The following KAZN variants were observed in gnomAD, a reference collection of about 807,000 sequenced individuals.
The protein encoded by KAZN is kazrin.
Under a neutral mutation model 87.4 loss-of-function variants are expected in KAZN, and 40 were observed. The observed-to-expected ratio is 0.46, with a 90% CI of 0.36 to 0.60. The LOEUF is 0.60. KAZN is among the 20% of genes least tolerant of loss of function. KAZN has a pLI of 0.00. For missense variants in KAZN, 898 were observed against 1,073.9 expected, an observed-to-expected ratio of 0.84 and a Z score of 2.29; for synonymous variants, 466 against 458.3, an observed-to-expected ratio of 1.02 and a Z score of -0.22.
rs1287523374 is a variant in KAZN at position 14,773,803 on chromosome 1, T to C, written c.226+174580T>C. On this transcript the variant is annotated intron_variant, in intron 1 of 14. Coordinates refer to ENST00000376030, the MANE Select transcript of KAZN (RefSeq NM_201628.3). The surrounding 1 kb of genome is among the most constrained non-coding windows in gnomAD (Gnocchi z 5.9). The stretch of plus-strand genomic sequence containing the variant: ...CAGCCTTCCTGGGAGCTGCGGCAGG[T>C]CCCAGCCCAGGCCAGGCCTGCTCTC... Among the ~76,000 whole-genome samples, 1 of 152,112 alleles carries C rather than the reference T, an allele frequency of 6.6e-6. No individual in the cohort carries two copies. Among genetic ancestry groups the C allele is most frequent in the Non-Finnish European group, 1.5e-5 (1 of 68,014 alleles).
intron 11 of KAZN, among the ~76,000 whole-genome samples, chr1:15,102,025 A>G (rs1641090717): frequency 1.3e-5 from 2 of 152,088 alleles, no homozygotes; most frequent in African/African-American, 4.8e-5. Context: ...CCTATTGGGC[A>G]CGGGCCAGGC....
chr1:14,308,586 T>A (rs1032474446), intron 2 of KAZN, among the ~76,000 whole-genome samples: 2 of 152,208 alleles, frequency 1.3e-5, no homozygotes, highest in African/African-American at 4.8e-5. Context: ...GTGTAGGTAC[T>A]GAAATTGTAC....
At chr1:14,579,442 G>A (rs1294274575) in intron 2 of KAZN, among the ~76,000 whole-genome samples, 11 of 151,916 alleles carry the variant, frequency 7.2e-5, no homozygotes, top group South Asian at 2.1e-4. Flanking sequence ...TGGCTAACAC[G>A]GTGAAACCCC....
intron 1 of KAZN, among the ~76,000 whole-genome samples, chr1:14,643,296 T>A (rs1436401479): frequency 6.6e-6 from 1 of 152,178 alleles, no homozygotes; most frequent in Non-Finnish European, 1.5e-5. Context: ...CCAATAGTTA[T>A]CCTTTCTGCT....
intron 1 of KAZN, among the ~76,000 whole-genome samples, chr1:14,800,037 G>A (rs932230567): frequency 4.6e-5 from 7 of 152,140 alleles, no homozygotes; most frequent in East Asian, 1.9e-4. Context: ...TATGAGTGTC[G>A]TGGGGACTCA....
intron 2 of KAZN, among the ~76,000 whole-genome samples, chr1:14,419,924 G>C (rs986295053): frequency 2.6e-5 from 4 of 152,156 alleles, no homozygotes; most frequent in African/African-American, 4.8e-5. Flanking sequence ...ATTGCAAAGA[G>C]CGAAAGAACA....
rs541516835 is a variant in KAZN at position 13,981,235 on chromosome 1, A to AATT, written c.91+87480_91+87481insTTA. On this transcript the variant is annotated intron_variant, in intron 1 of 16. Coordinates refer to the KAZN transcript ENST00000636203. Reference sequence around the variant, plus strand: ...TGTATGGAGGTGATCACAATTTTTAAAAAGTTAAAATTATTAATTTAAAAT... The same window carrying AATT: ...TGTATGGAGGTGATCACAATTTTTAAATTAAAGTTAAAATTATTAATTTAAAAT... 2.2e-3 allele frequency among the ~76,000 whole-genome samples: 322 copies of AATT among 146,968 alleles called. 1 individual carries two copies. The highest frequency in any genetic ancestry group is 7.7e-3 in the African/African-American group (313 of 40,490).
chr1:14,708,506 A>T (rs1362046280), intron 1 of KAZN, among the ~76,000 whole-genome samples: 1 of 152,206 alleles, frequency 6.6e-6, no homozygotes, highest in Non-Finnish European at 1.5e-5. Flanking sequence ...GTTCCCATGG[A>T]CTTTTCTTTT....
chr1:13,952,474 C>T (rs6670910), intron 1 of KAZN, among the ~76,000 whole-genome samples: 2,257 of 152,020 alleles, frequency 0.015, 51 homozygotes, highest in African/African-American at 0.05. Flanking sequence ...CTCAGAGCTT[C>T]GCAATTCTTC....
chr1:14,026,715 C>A (rs115980067), intron 1 of KAZN, among the ~76,000 whole-genome samples: 1 of 152,092 alleles, frequency 6.6e-6, no homozygotes, highest in South Asian at 2.1e-4. Flanking sequence ...AGGTCTGAGA[C>A]CCTGCGTTTC....
At position 14,996,717 on chromosome 1, in the gene KAZN, C is replaced by T. The variant is rs1667901099; in HGVS notation, c.418+35842C>T. 6.6e-6 allele frequency among the ~76,000 whole-genome samples: 1 copy of T among 152,210 alleles called. No individual in the cohort carries two copies. The highest frequency in any genetic ancestry group is 1.9e-4 in the East Asian group (1 of 5,190). On this transcript the variant is annotated intron_variant, in intron 2 of 14. Coordinates refer to ENST00000376030, the MANE Select transcript of KAZN (RefSeq NM_201628.3). The surrounding 1 kb of genome is among the most constrained non-coding windows in gnomAD (Gnocchi z 5.9). ...ACCGAGGGCCATTCTTCCCTCACTG[C>T]CGGCCTCTCCCAGTCCCCAGGAGAA...
chr1:14,954,102 T>C (rs888278424), intron 1 of KAZN, among the ~76,000 whole-genome samples: 1 of 152,194 alleles, frequency 6.6e-6, no homozygotes, highest in Non-Finnish European at 1.5e-5. Context: ...AGGAGGCCCC[T>C]GGGGACCTGC....
At chr1:14,857,633 C>T (rs946758160) in intron 1 of KAZN, among the ~76,000 whole-genome samples, 3 of 152,036 alleles carry the variant, frequency 2.0e-5, no homozygotes, top group Non-Finnish European at 2.9e-5. Context: ...TGAGGGCGCC[C>T]GCTGGCTCAT....
intron 1 of KAZN, among the ~76,000 whole-genome samples, chr1:14,849,649 A>G (rs1649198812): frequency 6.6e-6 from 1 of 152,178 alleles, no homozygotes; most frequent in African/African-American, 2.4e-5. Context: ...TCCTGTCGGT[A>G]TTTCTATGCT....
intron 1 of KAZN, among the ~76,000 whole-genome samples, chr1:14,723,179 G>A (rs895927649): frequency 5.3e-5 from 8 of 151,980 alleles, no homozygotes; most frequent in East Asian, 1.9e-4. Context: ...CTGACCCTGC[G>A]GCTGCACCAT....
At chr1:14,312,164 TG>T (rs1655349841) in intron 2 of KAZN, among the ~76,000 whole-genome samples, 2 of 152,136 alleles carry the variant, frequency 1.3e-5, no homozygotes, top group African/African-American at 4.8e-5. Flanking sequence ...TAAATGACTT[TG>T]AAGCCAGCAG....
intron 2 of KAZN, among the ~76,000 whole-genome samples, chr1:14,242,921 A>AAACG (rs1649108594): frequency 1.3e-5 from 2 of 152,354 alleles, no homozygotes; most frequent in South Asian, 4.1e-4. Context: ...AAGTGAAACA[A>AAACG]AACGTAAGAA....
At chr1:14,881,687 T>G (rs781476424) in intron 1 of KAZN, among the ~76,000 whole-genome samples, 9 of 152,200 alleles carry the variant, frequency 5.9e-5, no homozygotes, top group Non-Finnish European at 1.3e-4. Context: ...GGTTCTGGTG[T>G]CAAATCACCT....
intron 2 of KAZN, among the ~76,000 whole-genome samples, chr1:14,444,278 C>T (rs968091530): frequency 8.6e-5 from 13 of 150,654 alleles, no homozygotes; most frequent in African/African-American, 3.2e-4. Context: ...CTCCAACTCG[C>T]TCATCTCCAA....
Sources: allele counts gnomAD v4.1 joint callset (sites outside exome capture counted in the v4.1 genomes callset), GRCh38; gene constraint gnomAD v4.1.1; non-coding constraint Gnocchi (gnomAD v3.1); transcripts MANE v1.5; gene names NCBI Gene and HGNC (gene_info 2026-07-23, HGNC 2026-07-21).